The following GRIK4 variants were observed in gnomAD, a reference collection of about 807,000 sequenced individuals.
GRIK4 encodes the protein glutamate receptor ionotropic, kainate 4.
GRIK4 carries 40 observed loss-of-function variants against 104.9 expected under a neutral mutation model. That is an observed-to-expected ratio of 0.38 (90% CI 0.30 to 0.50). The LOEUF (loss-of-function observed/expected upper bound fraction) is 0.50. Among genes scored for constraint, GRIK4 ranks in the 20% least tolerant of loss-of-function variants. The pLI, the probability that GRIK4 is intolerant of heterozygous loss-of-function variation, is 0.93. For synonymous variants in GRIK4, 485 were observed against 524.9 expected (o/e 0.92, Z 1.04); for missense variants, 1,047 against 1,308.1 (o/e 0.80, Z 3.08).
chr11:120,558,362 C>T (rs575407802), intron 1 of GRIK4, among the ~76,000 whole-genome samples: 15 of 152,206 alleles, frequency 9.9e-5, no homozygotes, highest in Admixed American at 2.6e-4. Context: ...CCGAGGTGGG[C>T]GGATCATGAT....
At chr11:120,645,805 T>C (rs995315709) in intron 1 of GRIK4, among the ~76,000 whole-genome samples, 8 of 152,186 alleles carry the variant, frequency 5.3e-5, no homozygotes, top group South Asian at 2.1e-4. Context: ...AACGAAAGCA[T>C]TGGGAAGTTG....
intron 19 of GRIK4, among the ~76,000 whole-genome samples, chr11:120,968,772 G>T (rs567694617): frequency 6.6e-6 from 1 of 152,310 alleles, no homozygotes; most frequent in Admixed American, 6.5e-5. Context: ...TCTACCAGTT[G>T]TGAGTCTGTG....
At chr11:120,526,451 G>A (rs1375758212) in intron 1 of GRIK4, among the ~76,000 whole-genome samples, 1 of 152,148 alleles carries the variant, frequency 6.6e-6, no homozygotes, top group African/African-American at 2.4e-5. Flanking sequence ...TCCCACCTCG[G>A]CCTCTCAAAG....
intron 3 of GRIK4, among the ~76,000 whole-genome samples, chr11:120,726,431 C>A (rs765359388): frequency 1.3e-5 from 2 of 152,110 alleles, no homozygotes; most frequent in Non-Finnish European, 2.9e-5. Context: ...GAGGCCCAGG[C>A]CAGGGTAAAA....
chr11:120,963,987 ATTTATTTATT>A (rs1366785787), intron 18 of GRIK4, among the ~76,000 whole-genome samples: 170 of 10,870 alleles, frequency 0.016, 1 homozygote, highest in East Asian at 0.11. Flanking sequence ...TTATTTATTT[ATTTATTTATT>A]TTTATTTATT....
In GRIK4 at chr11:120,802,876, G is replaced by C. The variant is rs1044563441; in HGVS notation, c.247+19G>C. 8 of 1,610,366 alleles carry C rather than the reference G, an allele frequency of 5.0e-6. No individual in the cohort carries two copies. The highest frequency in any genetic ancestry group is 1.3e-5 in the African/African-American group (1 of 74,874). The stretch of plus-strand genomic sequence containing the variant: ...GAAACCAGTACGTAGACTGGGCAGG[G>C]CTGCCTCTTCCCTTGCTGGCAGAGG... On this transcript the variant is annotated intron_variant, in intron 4 of 20. Coordinates refer to ENST00000527524, the MANE Select transcript of GRIK4 (RefSeq NM_014619.5).
chr11:120,974,155 C>T (rs1352847830), intron 19 of GRIK4, among the ~76,000 whole-genome samples: 2 of 152,038 alleles, frequency 1.3e-5, no homozygotes, highest in Non-Finnish European at 2.9e-5. Flanking sequence ...TGATCTGCCC[C>T]CCTTGGCCTC....
At chr11:120,604,171 CAAAAAAAAAAAAAAA>C (rs59469495) in intron 1 of GRIK4, among the ~76,000 whole-genome samples, 69 of 51,810 alleles carry the variant, frequency 1.3e-3, no homozygotes, top group African/African-American at 5.3e-3. Flanking sequence ...GACTCCTTCT[CAAAAAAAAAAAAAAA>C]AAAAAAAAAA....
At chr11:120,742,526 A>AT (rs138311151) in intron 3 of GRIK4, among the ~76,000 whole-genome samples, 45,417 of 146,096 alleles carry the variant, frequency 0.31, 7,308 homozygotes, top group Middle Eastern at 0.43. Flanking sequence ...TATTATTATT[A>AT]TTTTTTTTTG....
At chr11:120,844,362 A>G (rs1473814038) in intron 8 of GRIK4, among the ~76,000 whole-genome samples, 1 of 152,178 alleles carries the variant, frequency 6.6e-6, no homozygotes, top group East Asian at 1.9e-4. Flanking sequence ...TGTAGCATTC[A>G]TCTCAAGTGG....
chr11:120,692,595 G>A (rs890526725), intron 3 of GRIK4, among the ~76,000 whole-genome samples: 5 of 152,306 alleles, frequency 3.3e-5, no homozygotes, highest in East Asian at 3.9e-4. Context: ...AAAGCTGGCC[G>A]GATGAAGGGG....
intron 3 of GRIK4, among the ~76,000 whole-genome samples, chr11:120,788,648 T>C (rs1441228257): frequency 6.6e-6 from 1 of 152,150 alleles, no homozygotes; most frequent in Non-Finnish European, 1.5e-5. Flanking sequence ...TGCACCAGGC[T>C]CCCTCCATCT....
chr11:120,907,248 GCTGATTT>G (rs1173360982), intron 13 of GRIK4, among the ~76,000 whole-genome samples: 1 of 152,164 alleles, frequency 6.6e-6, no homozygotes, highest in Non-Finnish European at 1.5e-5. Context: ...TTCACCTTGA[GCTGATTT>G]CTTTGGTCTC....
At chr11:120,777,769 CTT>C (rs1461477753) in intron 3 of GRIK4, among the ~76,000 whole-genome samples, 1 of 151,936 alleles carries the variant, frequency 6.6e-6, no homozygotes, top group Non-Finnish European at 1.5e-5. Flanking sequence ...AAACCCTGTC[CTT>C]ACTAAAAATA....
At chr11:120,711,243 C>A (rs1455238309) in intron 3 of GRIK4, among the ~76,000 whole-genome samples, 1 of 152,164 alleles carries the variant, frequency 6.6e-6, no homozygotes, top group African/African-American at 2.4e-5. Flanking sequence ...TTAAGGGCAA[C>A]AGTGGGTGAG....
chr11:120,623,058 G>C (rs1295018935), intron 1 of GRIK4, among the ~76,000 whole-genome samples: 3 of 152,212 alleles, frequency 2.0e-5, no homozygotes, highest in African/African-American at 7.2e-5. Context: ...ATTTCAGTCA[G>C]TTCTCCTAAC....
At chr11:120,742,295 G>A (rs1565326093) in intron 3 of GRIK4, among the ~76,000 whole-genome samples, 2 of 148,970 alleles carry the variant, frequency 1.3e-5, no homozygotes, top group East Asian at 2.0e-4. Flanking sequence ...GCAGTGAGCC[G>A]AGTTTGCGCC....
chr11:120,648,161 C>G (rs4935747), intron 1 of GRIK4, among the ~76,000 whole-genome samples: 99,660 of 151,854 alleles, frequency 0.66, 32,783 homozygotes, highest in African/African-American at 0.71. Flanking sequence ...GACTATAGAC[C>G]AGAGGGGGCT....
chr11:120,599,628 G>A (rs1363589534), intron 1 of GRIK4, among the ~76,000 whole-genome samples: 2 of 152,218 alleles, frequency 1.3e-5, no homozygotes, highest in African/African-American at 2.4e-5. Context: ...TGCTTCCAGG[G>A]ATATAGTGCC....
Sources: gnomAD v4.1 joint callset for allele counts (sites outside exome capture counted in the v4.1 genomes callset) on GRCh38, gnomAD v4.1.1 for gene constraint, MANE v1.5 for transcripts, NCBI Gene and HGNC (gene_info 2026-07-23, HGNC 2026-07-21) for gene names.